The following ETV5 variants were observed in gnomAD, a reference collection of about 807,000 sequenced individuals.
ETV5 encodes the protein ETS translocation variant 5.
In ETV5, 10 loss-of-function variants were observed where a neutral mutation model predicts 70.0. That is an observed-to-expected ratio of 0.14 (90% CI 0.09 to 0.24). The LOEUF is 0.24. Among genes scored for constraint, ETV5 ranks in the 10% least tolerant of loss-of-function variants. ETV5 has a pLI of 1.00. For synonymous variants in ETV5, 216 were observed against 242.2 expected (o/e 0.89, Z 1.01); for missense variants, 453 against 651.2 (o/e 0.70, Z 3.31).
chr3:186,075,770 G>C (rs1467701150), intron 7 of ETV5, among the ~76,000 whole-genome samples: 1 of 152,194 alleles, frequency 6.6e-6, no homozygotes, highest in Non-Finnish European at 1.5e-5. Flanking sequence ...AGAAGCAGAG[G>C]ATTCTTCAGG....
chr3:186,058,722 G>A (rs571623403), intron 9 of ETV5, among the ~76,000 whole-genome samples: 4 of 152,282 alleles, frequency 2.6e-5, no homozygotes, highest in Middle Eastern at 3.4e-3. Flanking sequence ...GGAAATAAGT[G>A]ATTTTAGATT....
At chr3:186,076,050 A>G (rs1042168365) in intron 7 of ETV5, among the ~76,000 whole-genome samples, 1 of 152,226 alleles carries the variant, frequency 6.6e-6, no homozygotes, top group Non-Finnish European at 1.5e-5. Flanking sequence ...TAACACAATG[A>G]GAAAACTCAC....
At position 186,048,870 on chromosome 3, in the gene ETV5, A is replaced by G; in HGVS notation, c.1312-10T>C. The G allele has an allele frequency of 6.2e-7, 1 of 1,610,990 alleles. No homozygotes were observed. Among genetic ancestry groups the G allele is most frequent in the Non-Finnish European group, 8.5e-7 (1 of 1,177,832 alleles). On this transcript the variant is annotated splice_polypyrimidine_tract_variant and intron_variant, in intron 12 of 12. Transcript: ENST00000306376. ...ATCGCTCTCCAGCCACCTGCGGGAGAACACACACCTTACAGGGCCCAGTTG... is the reference window on the plus strand; with the variant it reads ...ATCGCTCTCCAGCCACCTGCGGGAGGACACACACCTTACAGGGCCCAGTTG...
At chr3:186,066,352 GGGCC>G (rs1713446625) in intron 7 of ETV5, among the ~76,000 whole-genome samples, 1 of 150,534 alleles carries the variant, frequency 6.6e-6, no homozygotes, top group Non-Finnish European at 1.5e-5. Context: ...CTGTATAGAT[GGGCC>G]AGATTATGTA....
chr3:186,098,267 G>A (rs1020676084), intron 5 of ETV5, among the ~76,000 whole-genome samples: 1 of 152,192 alleles, frequency 6.6e-6, no homozygotes, highest in Non-Finnish European at 1.5e-5. Context: ...AGCTACCAGC[G>A]GAGAGAAACA....
intron 1 of ETV5, chr3:186,108,370 C>T: frequency 1.7e-6 from 1 of 589,154 alleles, no homozygotes; most frequent in Non-Finnish European, 2.9e-6. Context: ...GGGAGCAGGG[C>T]GACTGGATGT....
intron 1 of ETV5, among the ~76,000 whole-genome samples, chr3:186,107,700 T>C (rs1409404521): frequency 1.3e-5 from 2 of 151,394 alleles, no homozygotes; most frequent in African/African-American, 2.4e-5. Context: ...CCAGGAAAAC[T>C]TTAGCACAGC....
chr3:186,100,938 T>C (rs1714438019), intron 5 of ETV5, among the ~76,000 whole-genome samples: 1 of 152,224 alleles, frequency 6.6e-6, no homozygotes. Flanking sequence ...AACTGCTATT[T>C]ATATATGCTA....
At chr3:186,048,976 C>T (rs1316210455) in intron 12 of ETV5, 116 bp from the exon 13 acceptor site, 1 of 784,892 alleles carries the variant, frequency 1.3e-6, no homozygotes, top group Non-Finnish European at 2.1e-6. Flanking sequence ...GCCGATTACC[C>T]CAATCACTCA....
At chr3:186,083,629 T>C (rs1230995199) in intron 5 of ETV5, among the ~76,000 whole-genome samples, 1 of 152,224 alleles carries the variant, frequency 6.6e-6, no homozygotes, top group Non-Finnish European at 1.5e-5. Flanking sequence ...TGGCTCTAAA[T>C]TATATAGTAC....
At chr3:186,092,902 A>G (rs2150152805) in intron 5 of ETV5, among the ~76,000 whole-genome samples, 1 of 152,202 alleles carries the variant, frequency 6.6e-6, no homozygotes, top group Admixed American at 6.5e-5. Flanking sequence ...GTTGTGACAC[A>G]TATCATGTAC....
intron 7 of ETV5, among the ~76,000 whole-genome samples, chr3:186,067,235 C>T (rs1036591452): frequency 6.6e-6 from 1 of 152,216 alleles, no homozygotes; most frequent in East Asian, 1.9e-4. Context: ...GAGATTGAGA[C>T]CATCCTGGCC....
chr3:186,060,453 C>T (rs1466221406), intron 9 of ETV5, among the ~76,000 whole-genome samples: 1 of 152,188 alleles, frequency 6.6e-6, no homozygotes, highest in Non-Finnish European at 1.5e-5. Flanking sequence ...CATCTAATCA[C>T]TCAAATGAAG....
At chr3:186,090,132 T>C (rs1174608615) in intron 5 of ETV5, among the ~76,000 whole-genome samples, 1 of 152,248 alleles carries the variant, frequency 6.6e-6, no homozygotes, top group Non-Finnish European at 1.5e-5. Flanking sequence ...ATCTTATAGT[T>C]GACTAACATG....
intron 5 of ETV5, among the ~76,000 whole-genome samples, chr3:186,103,400 C>G (rs1379254846): frequency 1.3e-5 from 2 of 152,188 alleles, no homozygotes; most frequent in East Asian, 3.9e-4. Context: ...TCAGCACATG[C>G]AATCAATTTG....
In ETV5 at chr3:186,106,476, C is replaced by G. The variant is rs1714590601; in HGVS notation, c.-74-534G>C. ...TATATAGTTCCTGGAATAAATTGATCAGAGGTATACTTATCTTCACACACA... is the reference window on the plus strand; with the variant it reads ...TATATAGTTCCTGGAATAAATTGATGAGAGGTATACTTATCTTCACACACA... On this transcript the variant is annotated intron_variant, in intron 1 of 12. Coordinates refer to ENST00000306376, the MANE Select transcript of ETV5 (RefSeq NM_004454.3). 2.0e-5 allele frequency among the ~76,000 whole-genome samples: 3 copies of G among 152,222 alleles called. No homozygotes were observed. The South Asian group carries it at 6.2e-4, about 32-fold the overall frequency.
intron 5 of ETV5, among the ~76,000 whole-genome samples, chr3:186,100,362 C>T (rs1714424132): frequency 6.6e-6 from 1 of 152,118 alleles, no homozygotes; most frequent in African/African-American, 2.4e-5. Flanking sequence ...TAGGATGATC[C>T]TTTTGAATAG....
intron 8 of ETV5, among the ~76,000 whole-genome samples, chr3:186,065,442 C>A (rs1019903864): frequency 1.6e-4 from 25 of 152,212 alleles, no homozygotes; most frequent in African/African-American, 5.5e-4. Context: ...ATTTCCTCAG[C>A]ATTTCCCATA....
intron 1 of ETV5, among the ~76,000 whole-genome samples, chr3:186,108,272 G>A (rs1245684473): frequency 6.6e-6 from 1 of 151,864 alleles, no homozygotes; most frequent in Non-Finnish European, 1.5e-5. Flanking sequence ...CCACACCCGT[G>A]TTATCCCCAC....
Sources: gnomAD v4.1 joint callset for allele counts (sites outside exome capture counted in the v4.1 genomes callset) on GRCh38, gnomAD v4.1.1 for gene constraint, MANE v1.5 for transcripts, NCBI Gene and HGNC (gene_info 2026-07-23, HGNC 2026-07-21) for gene names.